Variants in AMN1 observed in about 807,000 individuals in gnomAD.
AMN1 encodes the protein protein AMN1 homolog.
AMN1 carries 20 observed loss-of-function variants against 33.0 expected under a neutral mutation model. The observed-to-expected ratio is 0.61, with a 90% CI of 0.43 to 0.88. The LOEUF (loss-of-function observed/expected upper bound fraction) is 0.88, where lower values mean the gene tolerates loss of function less well. Among genes scored for constraint, AMN1 ranks in the 40% least tolerant of loss-of-function variants. AMN1 has a pLI of 0.00. For synonymous variants in AMN1, 114 were observed against 111.9 expected (o/e 1.02, Z -0.12); for missense variants, 246 against 307.4 (o/e 0.80, Z 1.49).
At chr12:31,682,135 G>A (rs1014510577) in intron 6 of AMN1, among the ~76,000 whole-genome samples, 1 of 152,194 alleles carries the variant, frequency 6.6e-6, no homozygotes, top group Non-Finnish European at 1.5e-5. Flanking sequence ...CAGTTTCTTA[G>A]CTATAGTATT....
chr12:31,682,202 C>T (rs1592148881), intron 6 of AMN1, among the ~76,000 whole-genome samples: 1 of 152,126 alleles, frequency 6.6e-6, no homozygotes, highest in Non-Finnish European at 1.5e-5. Flanking sequence ...CCTTCACAAA[C>T]TTTTTGGACA....
chr12:31,704,219 C>T (rs1054899937), intron 2 of AMN1, among the ~76,000 whole-genome samples: 14 of 152,124 alleles, frequency 9.2e-5, no homozygotes, highest in Non-Finnish European at 1.5e-4. Context: ...AGTTTCTCCA[C>T]ACTATTGCTA....
At chr12:31,713,203 TTC>T (rs139423025) in intron 1 of AMN1, among the ~76,000 whole-genome samples, 2 of 152,160 alleles carry the variant, frequency 1.3e-5, no homozygotes, top group African/African-American at 2.4e-5. Context: ...AGATGTAATG[TTC>T]TCTCTGTGTG....
At chr12:31,712,045 C>G (rs1353699887) in intron 1 of AMN1, among the ~76,000 whole-genome samples, 1 of 151,168 alleles carries the variant, frequency 6.6e-6, no homozygotes, top group Non-Finnish European at 1.5e-5. Context: ...TTCATTCCCC[C>G]CTCCCTCCCT....
intron 2 of AMN1, among the ~76,000 whole-genome samples, chr12:31,704,937 A>AT (rs1377446442): frequency 1.3e-5 from 2 of 152,052 alleles, no homozygotes; most frequent in Non-Finnish European, 2.9e-5. Context: ...GAAAACCACC[A>AT]TTTTTCTACA....
At position 31,672,378 on chromosome 12, in the gene AMN1, C is replaced by A; in HGVS notation, c.704-1G>T. On this transcript the variant is annotated splice_acceptor_variant, in intron 6 of 6. Transcript: ENST00000281471. LOFTEE classifies it high-confidence loss of function. ...TGCTCCAACACTTCTCGGGAATGAT[C>A]TATAAAAGAAAACAATGACAATATA... is the stretch of plus-strand genomic sequence containing the variant. The A allele has an allele frequency of 6.4e-7, 1 of 1,562,030 alleles. No individual in the cohort carries two copies. Among genetic ancestry groups the A allele is most frequent in the Non-Finnish European group, 8.7e-7 (1 of 1,149,940 alleles).
At chr12:31,701,752 T>C (rs900641392) in intron 3 of AMN1, 111 bp downstream of exon 3, 3 of 903,290 alleles carry the variant, frequency 3.3e-6, no homozygotes, top group African/African-American at 1.7e-5. Context: ...ATATAATTCA[T>C]ATTTCTCTGA....
At chr12:31,685,410 T>G (rs1938213760) in intron 6 of AMN1, among the ~76,000 whole-genome samples, 1 of 152,202 alleles carries the variant, frequency 6.6e-6, no homozygotes, top group Non-Finnish European at 1.5e-5. Flanking sequence ...TTTGTCTCCC[T>G]TGGTCCCTCC....
chr12:31,707,785 A>ACCAT (rs1433433097), intron 2 of AMN1, among the ~76,000 whole-genome samples: 4 of 152,230 alleles, frequency 2.6e-5, no homozygotes, highest in African/African-American at 9.6e-5. Flanking sequence ...AGACAATGGT[A>ACCAT]GAAGATGTTT....
chr12:31,699,344 C>T (rs1334845428), intron 3 of AMN1, among the ~76,000 whole-genome samples: 34 of 115,448 alleles, frequency 2.9e-4, no homozygotes, highest in Non-Finnish European at 3.9e-4. Context: ...TGCAGTGAGC[C>T]GAGATGGCAC....
At chr12:31,696,024 C>A (rs1938708884) in intron 5 of AMN1, among the ~76,000 whole-genome samples, 1 of 151,646 alleles carries the variant, frequency 6.6e-6, no homozygotes, top group Non-Finnish European at 1.5e-5. Context: ...GGGCGGATCA[C>A]CTGAGGTCAG....
At chr12:31,709,479 C>T in intron 1 of AMN1, 54 bp from the exon 2 acceptor site, 2 of 1,552,408 alleles carry the variant, frequency 1.3e-6, no homozygotes, top group Non-Finnish European at 8.7e-7. Context: ...TGATTCCTAA[C>T]ACTTGTCTTA....
Position 31,687,655 on chromosome 12 carries a change from C to G in AMN1, c.703+1352G>C, listed in dbSNP as rs530589469. Among the ~76,000 whole-genome samples, 4 of 151,802 alleles carry G rather than the reference C, an allele frequency of 2.6e-5. No individual in the cohort carries two copies. Among genetic ancestry groups the G allele is most frequent in the Non-Finnish European group, 4.4e-5 (3 of 67,974 alleles). On this transcript the variant is annotated intron_variant, in intron 6 of 6. Coordinates refer to ENST00000281471, the MANE Select transcript of AMN1 (RefSeq NM_001113402.2). The surrounding 1 kb of genome is among the most constrained non-coding windows in gnomAD (Gnocchi z 4.1). ...CCAAGATTGCACCACTGCACTCCAG[C>G]CTCGGCGGGTGACAGAGCGAGATTC...
chr12:31,724,171 T>C (rs1307433329), intron 1 of AMN1, among the ~76,000 whole-genome samples: 1 of 152,148 alleles, frequency 6.6e-6, no homozygotes, highest in African/African-American at 2.4e-5. Context: ...TAAAGTTTAA[T>C]ATATAAATTA....
intron 4 of AMN1, 56 bp downstream of exon 4, chr12:31,697,684 G>A: frequency 6.5e-7 from 1 of 1,543,212 alleles, no homozygotes; most frequent in Non-Finnish European, 9.0e-7. Flanking sequence ...CATTAGTCAT[G>A]AAAATACATT....
intron 1 of AMN1, among the ~76,000 whole-genome samples, chr12:31,720,582 C>T (rs1939846542): frequency 2.0e-5 from 3 of 150,764 alleles, no homozygotes; most frequent in South Asian, 4.2e-4. Flanking sequence ...TCCTTTTTCT[C>T]ACAAATACCA....
rs944531907 is a variant in AMN1 at position 31,687,962 on chromosome 12, T to C, written c.703+1045A>G. On this transcript the variant is annotated intron_variant, in intron 6 of 6. Transcript: ENST00000281471. This position sits in a 1 kb window ranked among gnomAD's most constrained non-coding sequence, Gnocchi z 4.1. Reference sequence around the variant, plus strand: ...AGTCCAAATTTTTCTGACTTTTTGTTTGTTTGTTTGAGACGGAGTTTCGCT... The same window carrying C: ...AGTCCAAATTTTTCTGACTTTTTGTCTGTTTGTTTGAGACGGAGTTTCGCT... 4.6e-5 allele frequency among the ~76,000 whole-genome samples: 7 copies of C among 152,162 alleles called. No homozygotes were observed. The highest frequency in any genetic ancestry group is 1.7e-4 in the African/African-American group (7 of 41,424).
chr12:31,675,235 T>C (rs1951362526), intron 6 of AMN1, among the ~76,000 whole-genome samples: 1 of 151,560 alleles, frequency 6.6e-6, no homozygotes, highest in African/African-American at 2.4e-5. Flanking sequence ...CTGGGAAATA[T>C]AGTGAGACCC....
chr12:31,725,816 C>A (rs1350240305), intron 1 of AMN1, among the ~76,000 whole-genome samples: 2 of 152,230 alleles, frequency 1.3e-5, no homozygotes, highest in East Asian at 3.8e-4. Flanking sequence ...CTGTCTCAGC[C>A]TCCCAAGTAG....
Sources: allele counts gnomAD v4.1 joint callset (sites outside exome capture counted in the v4.1 genomes callset), GRCh38; gene constraint gnomAD v4.1.1; non-coding constraint Gnocchi (gnomAD v3.1); transcripts MANE v1.5; gene names NCBI Gene and HGNC (gene_info 2026-07-23, HGNC 2026-07-21).